The following MMRN1 variants were observed in gnomAD, a reference collection of about 807,000 sequenced individuals.
MMRN1 encodes multimerin 1.
Under a neutral mutation model 100.7 loss-of-function variants are expected in MMRN1, and 94 were observed. That is an observed-to-expected ratio of 0.93 (90% CI 0.79 to 1.11). MMRN1 has a LOEUF of 1.11. Ranked by LOEUF, MMRN1 falls within the 50% of genes least tolerant of loss-of-function variation. MMRN1 has a pLI of 0.00. For missense variants in MMRN1, 1,606 were observed against 1,439.1 expected (o/e 1.12, Z -1.88); for synonymous variants, 575 against 505.0 (o/e 1.14, Z -1.86).
chr4:89,948,555 G>A (rs953002038), intron 6 of MMRN1, among the ~76,000 whole-genome samples: 1 of 152,126 alleles, frequency 6.6e-6, no homozygotes, highest in Non-Finnish European at 1.5e-5. Flanking sequence ...TGATACAGAT[G>A]CAGAAATAGA....
rs145725522 is a variant in MMRN1, at chr4:89,924,960, A to G, written c.955+1688A>G. On this transcript the variant is annotated intron_variant, in intron 4 of 7. Coordinates refer to ENST00000264790, the MANE Select transcript of MMRN1 (RefSeq NM_007351.3). ...CAGGTACACAATGTGTAATAATCAC[A>G]TAATGGAGAATGAGGTATCCATCCC... 6.5e-3 allele frequency among the ~76,000 whole-genome samples: 983 copies of G among 152,276 alleles called. 12 individuals carry two copies. Among genetic ancestry groups the G allele is most frequent in the African/African-American group, 0.022 (906 of 41,566 alleles).
chr4:89,904,510 G>T lies in MMRN1; in HGVS notation c.624-4766G>T, dbSNP rs191611481. The stretch of plus-strand genomic sequence containing the variant: ...TGTCTCTATGAATTTAACCACTTAA[G>T]TACATCATATAAGTGAAACTGTACA... On this transcript the variant is annotated intron_variant, in intron 1 of 7. Coordinates refer to ENST00000264790, the MANE Select transcript of MMRN1 (RefSeq NM_007351.3). 3.0e-4 allele frequency among the ~76,000 whole-genome samples: 46 copies of T among 151,790 alleles called. 1 individual carries two copies. The highest frequency in any genetic ancestry group is 9.4e-4 in the African/African-American group (39 of 41,418).
At position 89,882,593 on chromosome 4, in the gene MMRN1, ACT is replaced by A. The variant is rs578179633; in HGVS notation, c.-249+2996_-249+2997del. Among the ~76,000 whole-genome samples the A allele has an allele frequency of 5.7e-4, 86 of 151,804 alleles. 3 individuals carry two copies. The South Asian group carries it at 0.017, about 31-fold the overall frequency. Reference sequence around the variant, plus strand: ...ATAAATGTCAGTTCAATTTAAGTTGACTCTCTGTGTTGTAGATAATCGCTGCT... The same window carrying A: ...ATAAATGTCAGTTCAATTTAAGTTGACTCTGTGTTGTAGATAATCGCTGCT... On this transcript the variant is annotated intron_variant, in intron 1 of 8. Coordinates refer to the MMRN1 transcript ENST00000394980.
rs144048660 is a variant in MMRN1 at position 89,942,311 on chromosome 4, C to T, written c.3118+5513C>T. Among the ~76,000 whole-genome samples, 12 of 152,188 alleles carry T rather than the reference C, an allele frequency of 7.9e-5. No homozygotes were observed. The East Asian group carries it at 2.3e-3, about 29-fold the overall frequency. ...AATGCAATAAACATATATTTTTGTA[C>T]TGGTCATTAACTATATTATGAATTT... On this transcript the variant is annotated intron_variant, in intron 6 of 7. Transcript: ENST00000264790.
chr4:89,893,159 A>G (rs1387641025), upstream of MMRN1, among the ~76,000 whole-genome samples: 1 of 151,910 alleles, frequency 6.6e-6, no homozygotes, highest in African/African-American at 2.4e-5. Context: ...TTAGTAACTA[A>G]TCGTTTCCTG....
intron 3 of MMRN1, among the ~76,000 whole-genome samples, chr4:89,922,455 G>A (rs749829221): frequency 6.6e-6 from 1 of 152,018 alleles, no homozygotes; most frequent in Admixed American, 6.6e-5. Flanking sequence ...TTTCCCCAAT[G>A]AAAAACTATA....
At chr4:89,911,655 T>G (rs556856323) in intron 2 of MMRN1, among the ~76,000 whole-genome samples, 1 of 151,418 alleles carries the variant, frequency 6.6e-6, no homozygotes. Flanking sequence ...AACATTGATT[T>G]AGCAAGAAGT....
chr4:89,916,024 A>G (rs1210308521), intron 3 of MMRN1, among the ~76,000 whole-genome samples: 1 of 151,618 alleles, frequency 6.6e-6, no homozygotes, highest in Admixed American at 6.6e-5. Flanking sequence ...TGAAAAAACA[A>G]AAGAGCATCA....
chr4:89,928,626 A>G (rs1404590759), intron 5 of MMRN1, among the ~76,000 whole-genome samples: 3 of 152,092 alleles, frequency 2.0e-5, no homozygotes, highest in African/African-American at 7.2e-5. Context: ...TGTAGGACTG[A>G]GGTCTCTGTT....
At chr4:89,930,755 G>A (rs1267763970) in intron 5 of MMRN1, among the ~76,000 whole-genome samples, 1 of 151,778 alleles carries the variant, frequency 6.6e-6, no homozygotes, top group African/African-American at 2.4e-5. Context: ...ATTCTTTTTT[G>A]TAAGACCAGA....
intron 6 of MMRN1, among the ~76,000 whole-genome samples, chr4:89,944,017 A>G (rs1259807545): frequency 6.6e-6 from 1 of 152,118 alleles, no homozygotes; most frequent in East Asian, 1.9e-4. Flanking sequence ...ATATACCTAT[A>G]GAGCAGTGCA....
chr4:89,924,769 G>A (rs1223058001), intron 4 of MMRN1, among the ~76,000 whole-genome samples: 6 of 152,158 alleles, frequency 3.9e-5, no homozygotes, highest in African/African-American at 7.2e-5. Flanking sequence ...GCTTGAACCC[G>A]GGAGGCAGAG....
rs1388293722 is a variant in MMRN1, at chr4:89,953,656, T to C, written c.*238T>C. ...TTAGTGGCACAGAAAACAAAGTGAA[T>C]TTGTTAGCATAATTATTCCTATTCT... On this transcript the variant is annotated 3_prime_UTR_variant, in exon 8 of 8. Transcript: ENST00000264790. 5.5e-6 allele frequency: 2 copies of C among 361,542 alleles called. No individual in the cohort carries two copies. The highest frequency in any genetic ancestry group is 8.6e-5 in the Admixed American group (2 of 23,324). 22.4% of individuals were successfully genotyped at this position (361,542 alleles called of 1,614,324 possible).
At chr4:89,908,375 A>T (rs1721636733) in intron 1 of MMRN1, among the ~76,000 whole-genome samples, 1 of 151,440 alleles carries the variant, frequency 6.6e-6, no homozygotes, top group Admixed American at 6.6e-5. Flanking sequence ...TTTTTAGTTT[A>T]TTATATGAAA....
chr4:89,889,052 A>T (rs1327192982), intron 1 of MMRN1, among the ~76,000 whole-genome samples: 1 of 152,174 alleles, frequency 6.6e-6, no homozygotes, highest in African/African-American at 2.4e-5. Context: ...ACCTCAGAGA[A>T]GGACATTCTT....
Position 89,927,845 on chromosome 4 carries a change from A to T in MMRN1, c.1006A>T (p.Thr336Ser), listed in dbSNP as rs762267047. The T allele has an allele frequency of 1.2e-6, 2 of 1,612,500 alleles. No homozygotes were observed. The highest frequency in any genetic ancestry group is 1.7e-6 in the Non-Finnish European group (2 of 1,179,294). The change falls in exon 5 of 8, where the codon ACT becomes TCT. Residue 336 changes from threonine (T) to serine (S), a missense_variant. Transcript: ENST00000264790. ...GGTGAACTACCAGGCAATGAAACTGACTCTTCTGCAGAAGAAGATTGACAA... is the reference window on the plus strand; with the variant it reads ...GGTGAACTACCAGGCAATGAAACTGTCTCTTCTGCAGAAGAAGATTGACAA... ...DQVNYQAMKL[T>S]LLQKKIDNIS... is the part of the protein sequence containing the mutation.
chr4:89,951,768 C>G lies in MMRN1; in HGVS notation c.3265+17C>G. On this transcript the variant is annotated intron_variant, in intron 7 of 7. Transcript: ENST00000264790. ...TAGCTCCAGGTAAAAAAAAAGTATA[C>G]GCATCTTTGGATTTGCTCATTGTCA... The G allele has an allele frequency of 6.2e-7, 1 of 1,608,496 alleles. No homozygotes were observed. Among genetic ancestry groups the G allele is most frequent in the Non-Finnish European group, 8.5e-7 (1 of 1,177,590 alleles).
intron 1 of MMRN1, among the ~76,000 whole-genome samples, chr4:89,905,017 G>C (rs115613776): frequency 0.011 from 1,723 of 151,544 alleles, 21 homozygotes; most frequent in Middle Eastern, 0.044. Context: ...AAAAGAGAGG[G>C]GGGGAATTAT....
At chr4:89,939,801 G>T (rs530178712) in intron 6 of MMRN1, among the ~76,000 whole-genome samples, 7 of 152,216 alleles carry the variant, frequency 4.6e-5, no homozygotes, top group African/African-American at 1.7e-4. Flanking sequence ...TTTTTAGGGA[G>T]TTTCTTTTCT....
Sources: gnomAD v4.1 joint callset for allele counts (sites outside exome capture counted in the v4.1 genomes callset) on GRCh38, gnomAD v4.1.1 for gene constraint, MANE v1.5 for transcripts, NCBI Gene and HGNC (gene_info 2026-07-23, HGNC 2026-07-21) for gene names.